The following DR1 variants were observed in gnomAD, a reference collection of about 807,000 sequenced individuals.
DR1 encodes the protein protein Dr1.
A neutral mutation model predicts 19.9 loss-of-function variants in DR1; 7 were observed. The ratio of observed to expected loss-of-function variants is 0.35; its 90% CI spans 0.20 to 0.66. The LOEUF (loss-of-function observed/expected upper bound fraction) is 0.66, where lower values mean the gene tolerates loss of function less well. DR1 is among the 30% of genes least tolerant of loss of function. DR1 has a pLI of 0.66. For missense variants in DR1, 98 were observed against 203.7 expected (o/e 0.48, Z 3.16); for synonymous variants, 76 against 72.5 (o/e 1.05, Z -0.24).
chr1:93,366,665 A>G lies in DR1; in HGVS notation c.*6026A>G, dbSNP rs771336757. Reference sequence around the variant, plus strand: ...ACCCAAAACACTTCTAAAATTAAACATTGAGATTAATATGAGCTTTATATA... The same window carrying G: ...ACCCAAAACACTTCTAAAATTAAACGTTGAGATTAATATGAGCTTTATATA... On this transcript the variant is annotated 3_prime_UTR_variant, in exon 3 of 3. Transcript: ENST00000370272. The G allele has an allele frequency of 1.3e-5, 2 of 152,218 alleles. No homozygotes were observed. The highest frequency in any genetic ancestry group is 2.9e-5 in the Non-Finnish European group (2 of 68,040). The allele number at this position is 152,218 out of a possible 1,614,324, so 9.4% of individuals were successfully genotyped here. A position where few individuals can be genotyped will look rare whatever the true frequency, so the allele number is the denominator to read the frequency against.
In DR1 at chr1:93,346,568, T is replaced by C; in HGVS notation, c.-78T>C. On this transcript the variant is annotated 5_prime_UTR_variant, in exon 1 of 3. Transcript: ENST00000370272. Reference sequence around the variant, plus strand: ...CGGGATCACTCTCCGAGGGCGACTTTTTGAGAAATCTCGGTGGAGTAGTGG... The same window carrying C: ...CGGGATCACTCTCCGAGGGCGACTTCTTGAGAAATCTCGGTGGAGTAGTGG... 1 of 1,303,618 alleles carries C rather than the reference T, an allele frequency of 7.7e-7. No homozygotes were observed. Among genetic ancestry groups the C allele is most frequent in the Non-Finnish European group, 1.1e-6 (1 of 920,582 alleles). 80.8% of individuals were successfully genotyped at this position (1,303,618 alleles called of 1,614,324 possible).
intron 2 of DR1, among the ~76,000 whole-genome samples, chr1:93,358,800 G>A (rs1667022691): frequency 1.3e-5 from 2 of 151,862 alleles, no homozygotes; most frequent in Non-Finnish European, 2.9e-5. Flanking sequence ...ACAATTCTTC[G>A]TATTAAATTT....
chr1:93,353,814 C>T lies in DR1; in HGVS notation c.221-94C>T, dbSNP rs575297465. On this transcript the variant is annotated intron_variant, in intron 1 of 2. Coordinates refer to ENST00000370272, the MANE Select transcript of DR1 (RefSeq NM_001938.3). ...AGAAAACAGCAAAACATTCCCCTCC[C>T]CCAAAGAAAAGCCCACAAAAACTTT... The T allele has an allele frequency of 1.2e-5, 12 of 996,762 alleles. No homozygotes were observed. In the African/African-American group the frequency reaches 1.8e-4, roughly 15 times the overall value. The allele number at this position is 996,762 out of a possible 1,614,324, so 61.7% of individuals were successfully genotyped here. A position where few individuals can be genotyped will look rare whatever the true frequency, so the allele number is the denominator to read the frequency against.
intron 1 of DR1, 57 bp downstream of exon 1, chr1:93,346,922 C>G (rs1246140939): frequency 6.9e-7 from 1 of 1,440,404 alleles, no homozygotes; most frequent in Non-Finnish European, 9.6e-7. Flanking sequence ...GTCTGCTAAT[C>G]GCGTGACCCT....
At position 93,366,619 on chromosome 1, in the gene DR1, A is replaced by G. The variant is rs924401337; in HGVS notation, c.*5980A>G. 1.7e-4 allele frequency: 26 copies of G among 152,260 alleles called. No individual in the cohort carries two copies. Among genetic ancestry groups the G allele is most frequent in the African/African-American group, 6.0e-4 (25 of 41,474 alleles). 9.4% of individuals were successfully genotyped at this position (152,260 alleles called of 1,614,324 possible). On this transcript the variant is annotated 3_prime_UTR_variant, in exon 3 of 3. Coordinates refer to ENST00000370272, the MANE Select transcript of DR1 (RefSeq NM_001938.3). ...GGCATATATTTCTGGTTACAAAAAC[A>G]CTACCAAATTTCTAATAAAGACCCA...
intron 1 of DR1, among the ~76,000 whole-genome samples, chr1:93,347,552 A>G (rs1666865742): frequency 6.6e-6 from 1 of 152,014 alleles, no homozygotes; most frequent in African/African-American, 2.4e-5. Context: ...CTGTGGAGAT[A>G]AGTTTTGAAA....
In DR1 at chr1:93,367,934, C is replaced by A. The variant is rs1667186616; in HGVS notation, c.*7295C>A. The stretch of plus-strand genomic sequence containing the variant: ...GGCTGAGGCAGGGGATTTCTTGAAC[C>A]CAGAAGGCGGAGGTTGCAGTGAGTT... On this transcript the variant is annotated 3_prime_UTR_variant, in exon 3 of 3. Coordinates refer to ENST00000370272, the MANE Select transcript of DR1 (RefSeq NM_001938.3). 1 of 152,164 alleles carries A rather than the reference C, an allele frequency of 6.6e-6. No homozygotes were observed. Among genetic ancestry groups the A allele is most frequent in the East Asian group, 1.9e-4 (1 of 5,190 alleles). The allele number at this position is 152,164 out of a possible 1,614,324, so 9.4% of individuals were successfully genotyped here.
At chr1:93,358,532 T>C (rs1667019932) in intron 2 of DR1, among the ~76,000 whole-genome samples, 1 of 152,180 alleles carries the variant, frequency 6.6e-6, no homozygotes, top group Non-Finnish European at 1.5e-5. Context: ...ACTCTGGCAG[T>C]GTGGATCCCA....
chr1:93,353,552 GAC>G (rs1233381687), intron 1 of DR1, among the ~76,000 whole-genome samples: 4 of 152,158 alleles, frequency 2.6e-5, no homozygotes, highest in Admixed American at 6.5e-5. Context: ...TAAGTCAAAT[GAC>G]ACAAAATGTT....
At position 93,346,418 on chromosome 1, in the gene DR1, A is replaced by G. The variant is rs1031817225; in HGVS notation, c.-228A>G. 14 of 556,646 alleles carry G rather than the reference A, an allele frequency of 2.5e-5. No individual in the cohort carries two copies. The highest frequency in any genetic ancestry group is 3.9e-5 in the Non-Finnish European group (12 of 310,754). The allele number at this position is 556,646 out of a possible 1,614,324, so 34.5% of individuals were successfully genotyped here. On this transcript the variant is annotated 5_prime_UTR_variant, in exon 1 of 3. Coordinates refer to ENST00000370272, the MANE Select transcript of DR1 (RefSeq NM_001938.3). ...CCTCAGCCTGGGCTGTGCTCTCTCT[A>G]GAATCCTCGGGCCCCCACTTTCTTC...
rs1291336292 is a variant in DR1 at position 93,361,077 on chromosome 1, A to G, written c.*438A>G. The G allele has an allele frequency of 6.2e-6, 1 of 160,588 alleles. No individual in the cohort carries two copies. The highest frequency in any genetic ancestry group is 1.3e-5 in the Non-Finnish European group (1 of 74,318). 9.9% of individuals were successfully genotyped at this position (160,588 alleles called of 1,614,324 possible). On this transcript the variant is annotated 3_prime_UTR_variant, in exon 3 of 3. Coordinates refer to ENST00000370272, the MANE Select transcript of DR1 (RefSeq NM_001938.3). ...TGCTGTGTGAATCAGTAGACATTGG[A>G]TTGGGTTGGTGAAAGAGTTCAGTTC...
chr1:93,359,081 C>A (rs916490347), intron 2 of DR1, among the ~76,000 whole-genome samples: 1 of 152,086 alleles, frequency 6.6e-6, no homozygotes, highest in Non-Finnish European at 1.5e-5. Context: ...GGGGTAGACA[C>A]TAATTTGGAA....
chr1:93,350,166 A>G (rs896771971), intron 1 of DR1, among the ~76,000 whole-genome samples: 1 of 152,126 alleles, frequency 6.6e-6, no homozygotes, highest in Non-Finnish European at 1.5e-5. Context: ...CTGCCACCCC[A>G]CAATTACTTA....
Position 93,364,584 on chromosome 1 carries a change from A to G in DR1, c.*3945A>G, listed in dbSNP as rs973023351. The G allele has an allele frequency of 1.3e-5, 2 of 152,028 alleles. No homozygotes were observed. Among genetic ancestry groups the G allele is most frequent in the African/African-American group, 4.8e-5 (2 of 41,384 alleles). 9.4% of individuals were successfully genotyped at this position (152,028 alleles called of 1,614,324 possible). On this transcript the variant is annotated 3_prime_UTR_variant, in exon 3 of 3. Transcript: ENST00000370272. ...GTTTTCTTTTTTGCCTCTGTCCCCA[A>G]CAATTTGACCACAAGTCCTACCCCA...
chr1:93,351,035 T>C (rs917879753), intron 1 of DR1, among the ~76,000 whole-genome samples: 11 of 152,228 alleles, frequency 7.2e-5, no homozygotes, highest in Non-Finnish European at 1.5e-4. Flanking sequence ...CCTAACTGTA[T>C]GTAAATGGTG....
intron 2 of DR1, 78 bp from the exon 3 acceptor site, chr1:93,360,415 T>C: frequency 7.2e-7 from 1 of 1,386,028 alleles, no homozygotes; most frequent in Non-Finnish European, 9.5e-7. Context: ...GAAATTGGCC[T>C]AATCTACATT....
chr1:93,358,181 T>C (rs184342127), intron 2 of DR1, among the ~76,000 whole-genome samples: 2 of 152,244 alleles, frequency 1.3e-5, no homozygotes, highest in East Asian at 3.9e-4. Context: ...CATCAAATTT[T>C]AGGGGTACAG....
In DR1 at chr1:93,353,921, G is replaced by A. The variant is rs766054515; in HGVS notation, c.234G>A (p.Leu78=). The A allele has an allele frequency of 6.2e-7, 1 of 1,602,620 alleles. No homozygotes were observed. The highest frequency in any genetic ancestry group is 1.1e-5 in the South Asian group (1 of 88,244). Residue 78 remains leucine, a synonymous_variant, in exon 2 of 3, where the codon TTG becomes TTA. Coordinates refer to ENST00000370272, the MANE Select transcript of DR1 (RefSeq NM_001938.3). ...PEHVIQALES[L]GFGSYISEVK... is the part of the protein sequence containing the mutation. ...TCATTTCTCTAGCACTAGAAAGTTT[G>A]GGATTTGGCTCTTACATCAGTGAAG... is the stretch of plus-strand genomic sequence containing the variant.
At position 93,367,375 on chromosome 1, in the gene DR1, T is replaced by C. The variant is rs148663050; in HGVS notation, c.*6736T>C. On this transcript the variant is annotated 3_prime_UTR_variant, in exon 3 of 3. Coordinates refer to ENST00000370272, the MANE Select transcript of DR1 (RefSeq NM_001938.3). Reference sequence around the variant, plus strand: ...ATTTATTGTGCATTTGTATGATTATTATATACTTTACAAATTTTCGTTTTA... The same window carrying C: ...ATTTATTGTGCATTTGTATGATTATCATATACTTTACAAATTTTCGTTTTA... The C allele has an allele frequency of 2.6e-4, 39 of 152,312 alleles. No homozygotes were observed. The highest frequency in any genetic ancestry group is 8.9e-4 in the African/African-American group (37 of 41,540). The allele number at this position is 152,312 out of a possible 1,614,324, so 9.4% of individuals were successfully genotyped here.
Sources: allele counts gnomAD v4.1 joint callset (sites outside exome capture counted in the v4.1 genomes callset), GRCh38; gene constraint gnomAD v4.1.1; transcripts MANE v1.5; gene names NCBI Gene and HGNC (gene_info 2026-07-23, HGNC 2026-07-21).